SDK1: variants seen among roughly 807,000 people sequenced by gnomAD.
SDK1 encodes protein sidekick-1.
Under a neutral mutation model 245.5 loss-of-function variants are expected in SDK1, and 157 were observed. That is an observed-to-expected ratio of 0.64 (90% CI 0.56 to 0.73). The LOEUF is 0.73. Ranked by LOEUF, SDK1 falls within the 30% of genes least tolerant of loss-of-function variation. The pLI, the probability that SDK1 is intolerant of heterozygous loss-of-function variation, is 0.00. For missense variants in SDK1, 3,583 were observed against 3,002.3 expected (o/e 1.19, Z -4.52); for synonymous variants, 1,647 against 1,278.5 (o/e 1.29, Z -6.15).
intron 35 of SDK1, among the ~76,000 whole-genome samples, chr7:4,201,248 C>A (rs980046853): frequency 2.0e-5 from 3 of 152,210 alleles, no homozygotes; most frequent in African/African-American, 7.2e-5. Context: ...CCTCCTGATT[C>A]ATTGAGAAGG....
At chr7:3,551,188 G>A (rs986988241) in intron 1 of SDK1, among the ~76,000 whole-genome samples, 1 of 152,088 alleles carries the variant, frequency 6.6e-6, no homozygotes, top group Non-Finnish European at 1.5e-5. Flanking sequence ...CACCGGGGGT[G>A]GGGGGCCCAA....
Position 3,721,224 on chromosome 7 carries a change from A to C in SDK1, c.713+79119A>C, listed in dbSNP as rs901928357. 3.3e-5 allele frequency among the ~76,000 whole-genome samples: 5 copies of C among 152,098 alleles called. 1 individual carries two copies. Among genetic ancestry groups the C allele is most frequent in the South Asian group, 4.1e-4 (2 of 4,828 alleles). On this transcript the variant is annotated intron_variant, in intron 4 of 44. Transcript: ENST00000404826. ...TTACATAAAGCTACGCGTGTGATAA[A>C]ATTGCATAGAGTGTATTTACACCCA...
chr7:3,668,042 T>TA (rs1417061466), intron 4 of SDK1, among the ~76,000 whole-genome samples: 2 of 152,182 alleles, frequency 1.3e-5, no homozygotes, highest in African/African-American at 4.8e-5. Flanking sequence ...CTCAGGGAAA[T>TA]AATCAGAAAC....
At chr7:3,463,644 A>G (rs77647714) in intron 1 of SDK1, among the ~76,000 whole-genome samples, 5,743 of 152,228 alleles carry the variant, frequency 0.038, 339 homozygotes, top group African/African-American at 0.12. Context: ...TTCTGTGCCT[A>G]TTTAAACTAC....
intron 5 of SDK1, among the ~76,000 whole-genome samples, chr7:3,872,595 T>TA (rs1780984313): frequency 6.6e-6 from 1 of 151,110 alleles, no homozygotes; most frequent in South Asian, 2.1e-4. Context: ...TTTTTTTTTT[T>TA]ACATATGTGA....
At chr7:3,999,712 C>T (rs1421093272) in intron 14 of SDK1, among the ~76,000 whole-genome samples, 1 of 152,176 alleles carries the variant, frequency 6.6e-6, no homozygotes, top group Non-Finnish European at 1.5e-5. Flanking sequence ...CTGAAATGGA[C>T]TGCTTTATAA....
intron 30 of SDK1, among the ~76,000 whole-genome samples, chr7:4,150,389 C>G (rs1780279307): frequency 6.6e-6 from 1 of 152,180 alleles, no homozygotes; most frequent in Non-Finnish European, 1.5e-5. Context: ...GCACCAATGA[C>G]TAAGAGGGTA....
chr7:3,822,889 C>G (rs1331225634), intron 5 of SDK1, among the ~76,000 whole-genome samples: 1 of 152,016 alleles, frequency 6.6e-6, no homozygotes, highest in East Asian at 1.9e-4. Context: ...ATCTTTGTAG[C>G]AAACTCTGGG....
At chr7:3,880,543 CT>C (rs5882008) in intron 5 of SDK1, among the ~76,000 whole-genome samples, 24,279 of 91,824 alleles carry the variant, frequency 0.26, 3,260 homozygotes, top group African/African-American at 0.39. Flanking sequence ...ATGCCCTGGT[CT>C]TTTTTTTTTT....
Position 3,962,606 on chromosome 7 carries a change from C to G in SDK1, c.1235-51C>G, listed in dbSNP as rs747907881. 1.1e-5 allele frequency: 16 copies of G among 1,439,566 alleles called. No homozygotes were observed. The Admixed American group carries it at 3.0e-4, about 27-fold the overall frequency. The allele number at this position is 1,439,566 out of a possible 1,614,324, so 89.2% of individuals were successfully genotyped here. Reference sequence around the variant, plus strand: ...CCTTTGAAACAGATGTGCTTCAGTTCTCACGTCAGGAATTATTTTTAAAAT... The same window carrying G: ...CCTTTGAAACAGATGTGCTTCAGTTGTCACGTCAGGAATTATTTTTAAAAT... On this transcript the variant is annotated intron_variant, in intron 8 of 44. Coordinates refer to ENST00000404826, the MANE Select transcript of SDK1 (RefSeq NM_152744.4).
chr7:3,659,297 C>T (rs541172653), intron 4 of SDK1, among the ~76,000 whole-genome samples: 14 of 152,142 alleles, frequency 9.2e-5, no homozygotes, highest in Middle Eastern at 3.4e-3. Context: ...CACATAGGTT[C>T]CTGTTCTCAG....
At chr7:3,338,563 G>C (rs370902267) in intron 1 of SDK1, 7 of 314,850 alleles carry the variant, frequency 2.2e-5, no homozygotes, top group African/African-American at 1.1e-4. Flanking sequence ...AGAGGAACCT[G>C]AGCTGCTGGG....
chr7:3,382,179 C>G (rs898040059), intron 1 of SDK1, among the ~76,000 whole-genome samples: 2 of 151,594 alleles, frequency 1.3e-5, no homozygotes, highest in Admixed American at 1.3e-4. Context: ...CTTTGTTTCC[C>G]AGGCTGGTCT....
At chr7:3,797,410 A>G (rs1456224706) in intron 4 of SDK1, among the ~76,000 whole-genome samples, 5 of 151,536 alleles carry the variant, frequency 3.3e-5, no homozygotes, top group Non-Finnish European at 7.4e-5. Flanking sequence ...TTTTCTGTAT[A>G]GTCATTTAGC....
intron 1 of SDK1, among the ~76,000 whole-genome samples, chr7:3,347,404 GT>G (rs776896475): frequency 4.6e-5 from 7 of 152,042 alleles, no homozygotes; most frequent in Non-Finnish European, 1.0e-4. Flanking sequence ...AAAGCTGTTG[GT>G]CTTACTATGC....
At chr7:4,091,700 T>G (rs13223052) in intron 22 of SDK1, among the ~76,000 whole-genome samples, 43,608 of 151,848 alleles carry the variant, frequency 0.29, 7,830 homozygotes, top group African/African-American at 0.51. Flanking sequence ...AAACACCTTC[T>G]GAGGGTGTTT....
intron 9 of SDK1, among the ~76,000 whole-genome samples, chr7:3,964,009 G>T (rs1258697853): frequency 6.6e-6 from 1 of 152,278 alleles, no homozygotes; most frequent in Non-Finnish European, 1.5e-5. Context: ...GATGTATCCA[G>T]TGGGTACACC....
intron 4 of SDK1, among the ~76,000 whole-genome samples, chr7:3,719,987 AAAAG>A (rs1249558719): frequency 2.0e-5 from 3 of 152,092 alleles, no homozygotes; most frequent in East Asian, 1.9e-4. Flanking sequence ...TAAAAAAAAA[AAAAG>A]AAAGAAAAGG....
intron 5 of SDK1, among the ~76,000 whole-genome samples, chr7:3,921,356 A>C (rs564776434): frequency 6.6e-6 from 1 of 152,212 alleles, no homozygotes; most frequent in African/African-American, 2.4e-5. Flanking sequence ...TAATTTATTA[A>C]CCTGTCTCCA....
Sources: allele counts gnomAD v4.1 joint callset (sites outside exome capture counted in the v4.1 genomes callset), GRCh38; gene constraint gnomAD v4.1.1; transcripts MANE v1.5; gene names NCBI Gene and HGNC (gene_info 2026-07-23, HGNC 2026-07-21).